BAAT: variants seen among roughly 807,000 people sequenced by gnomAD.
BAAT encodes bile acid-CoA:amino acid N-acyltransferase.
Under a neutral mutation model 18.9 loss-of-function variants are expected in BAAT, and 13 were observed. That is an observed-to-expected ratio of 0.69 (90% confidence interval 0.45 to 1.10). The LOEUF is 1.10. BAAT is among the 50% of genes least tolerant of loss of function. The pLI is 0.00. For missense variants in BAAT, 489 were observed against 504.0 expected (o/e 0.97, Z 0.28); for synonymous variants, 170 against 190.7 (o/e 0.89, Z 0.89).
intron 1 of BAAT, chr9:101,375,890 G>A (rs887701126): frequency 2.0e-5 from 3 of 152,436 alleles, no homozygotes; most frequent in Non-Finnish European, 2.9e-5. Flanking sequence ...CGCAAATTGT[G>A]AGCCTAAATT....
chr9:101,363,441 G>T (rs1431355297), intron 3 of BAAT, among the ~76,000 whole-genome samples: 2 of 148,490 alleles, frequency 1.3e-5, no homozygotes, highest in African/African-American at 4.9e-5. Context: ...GAGGATTCTA[G>T]ATTTGCTTTG....
chr9:101,371,396 C>G lies in BAAT; in HGVS notation c.9G>C (p.Gln3His). ...GTGCACTCACAGGGGTAGCTGTCAA[C>G]TGGATCATTTTTTTAGTGTGGCACC... MI[Q>H]LTATPVSALV... The change falls in exon 2 of 4, where the codon CAG becomes CAC. Residue 3 changes from glutamine to histidine, a missense_variant. Physicochemically the swap from Gln to His is conservative, Grantham distance 24. Transcript: ENST00000259407. 1.9e-6 allele frequency: 3 copies of G among 1,609,714 alleles called. No homozygotes were observed. The highest frequency in any genetic ancestry group is 3.4e-4 in the Middle Eastern group (2 of 5,804).
At position 101,371,086 on chromosome 9, in the gene BAAT, G is replaced by GT. The variant is rs1410930818; in HGVS notation, c.318dup (p.Leu107ThrfsTer3). 1 of 1,613,914 alleles carries GT rather than the reference G, an allele frequency of 6.2e-7. No homozygotes were observed. Among genetic ancestry groups the GT allele is most frequent in the East Asian group, 2.2e-5 (1 of 44,876 alleles). ...TTCACTATTAACTCTAAGTCATAAA[G>GT]TTTTACTTGGACCTGGAAAGGCCTA... On this transcript the variant is annotated frameshift_variant, in exon 2 of 4. Coordinates refer to ENST00000259407, the MANE Select transcript of BAAT (RefSeq NM_001701.4). LOFTEE classifies it high-confidence loss of function.
Position 101,371,201 on chromosome 9 carries a change from C to T in BAAT, c.204G>A (p.Gly68=). 6.2e-7 allele frequency: 1 copy of T among 1,614,046 alleles called. No homozygotes were observed. The part of the protein sequence containing the change: ...VDLNHASSLG[G]DYMGVHPMGL... ...CCATGGGGTGGACTCCCATATAATCCCCTCCAAGTGAAGAAGCATGATTCA... is the reference window on the plus strand; with the variant it reads ...CCATGGGGTGGACTCCCATATAATCTCCTCCAAGTGAAGAAGCATGATTCA... The change falls in exon 2 of 4, where the codon GGG becomes GGA. Residue 68 remains glycine (G), a synonymous_variant. Transcript: ENST00000259407.
intron 1 of BAAT, among the ~76,000 whole-genome samples, chr9:101,377,925 A>G (rs1830073756): frequency 6.6e-6 from 1 of 152,178 alleles, no homozygotes; most frequent in African/African-American, 2.4e-5. Flanking sequence ...TACAAAATCA[A>G]TGTGCAAAAA....
At chr9:101,364,245 T>C (rs529281379) in intron 3 of BAAT, among the ~76,000 whole-genome samples, 2 of 152,280 alleles carry the variant, frequency 1.3e-5, no homozygotes, top group South Asian at 2.1e-4. Flanking sequence ...CTAAGGACTT[T>C]TTTTGCCCCC....
In BAAT at chr9:101,361,669, G is replaced by T. The variant is rs1229873537; in HGVS notation, c.*759C>A. On this transcript the variant is annotated 3_prime_UTR_variant, in exon 4 of 4. Transcript: ENST00000259407. The stretch of plus-strand genomic sequence containing the variant: ...AAACTCCCCAGGCTAGCCTGTACTA[G>T]TAGAGTTGTGTTTCTATTTTTATTT... 2.0e-5 allele frequency: 3 copies of T among 152,734 alleles called. No homozygotes were observed. Among genetic ancestry groups the T allele is most frequent in the South Asian group, 4.1e-4 (2 of 4,828 alleles). 9.5% of individuals were successfully genotyped at this position (152,734 alleles called of 1,614,324 possible).
rs1181338804 is a variant in BAAT at position 101,361,771 on chromosome 9, GT to G, written c.*656del. 6.6e-6 allele frequency: 1 copy of G among 152,446 alleles called. No individual in the cohort carries two copies. Among genetic ancestry groups the G allele is most frequent in the Non-Finnish European group, 1.5e-5 (1 of 68,024 alleles). 9.4% of individuals were successfully genotyped at this position (152,446 alleles called of 1,614,324 possible). A position where few individuals can be genotyped will look rare whatever the true frequency, so the allele number is the denominator to read the frequency against. On this transcript the variant is annotated 3_prime_UTR_variant, in exon 4 of 4. Transcript: ENST00000259407. The stretch of plus-strand genomic sequence containing the variant: ...TCAACCTAATTGGTTCTATTTTCTT[GT>G]ATTTTCCATTTTAATTTGCTTCATA...
chr9:101,378,564 A>G (rs1830084024), intron 1 of BAAT, among the ~76,000 whole-genome samples: 1 of 152,234 alleles, frequency 6.6e-6, no homozygotes, highest in Non-Finnish European at 1.5e-5. Flanking sequence ...CTTACACCTT[A>G]TACAAAAATT....
intron 1 of BAAT, among the ~76,000 whole-genome samples, chr9:101,380,366 T>G (rs1192816570): frequency 3.3e-5 from 5 of 152,192 alleles, no homozygotes; most frequent in Admixed American, 2.0e-4. Context: ...GTCTCACAGC[T>G]GCCTGAGACA....
At position 101,370,791 on chromosome 9, in the gene BAAT, T is replaced by A. The variant is rs145223860; in HGVS notation, c.466+148A>T. 1,470 of 898,000 alleles carry A rather than the reference T, an allele frequency of 1.6e-3. 3 individuals carry two copies. Among genetic ancestry groups the A allele is most frequent in the Non-Finnish European group, 2.4e-3 (1,335 of 565,934 alleles). The allele number at this position is 898,000 out of a possible 1,614,324, so 55.6% of individuals were successfully genotyped here. A position where few individuals can be genotyped will look rare whatever the true frequency, so the allele number is the denominator to read the frequency against. On this transcript the variant is annotated intron_variant, in intron 2 of 3. Coordinates refer to ENST00000259407, the MANE Select transcript of BAAT (RefSeq NM_001701.4). ...GGTATTATCCATATTCAAGTTAAATTTCTGGAGGGATAATGCATTTAAGGT... is the reference window on the plus strand; with the variant it reads ...GGTATTATCCATATTCAAGTTAAATATCTGGAGGGATAATGCATTTAAGGT...
intron 1 of BAAT, among the ~76,000 whole-genome samples, chr9:101,380,912 C>T (rs2119040153): frequency 6.6e-6 from 1 of 152,054 alleles, no homozygotes; most frequent in African/African-American, 2.4e-5. Flanking sequence ...ACCACCATGC[C>T]TGGCCAATTT....
In BAAT at chr9:101,371,347, G is replaced by A. The variant is rs758476278; in HGVS notation, c.58C>T (p.Arg20Ter). The A allele has an allele frequency of 1.9e-6, 3 of 1,613,562 alleles. No individual in the cohort carries two copies. The highest frequency in any genetic ancestry group is 1.7e-5 in the Admixed American group (1 of 59,964). ...SALVDEPVHI[R>*]ATGLIPFQMV... ...TGAAAGGGAATCAGGCCTGTAGCTCGGATATGCACTGGCTCATCAACAAGT... is the reference window on the plus strand; with the variant it reads ...TGAAAGGGAATCAGGCCTGTAGCTCAGATATGCACTGGCTCATCAACAAGT... The change falls in exon 2 of 4, where the codon CGA becomes TGA. Residue 20 changes from arginine (R) to a stop codon, truncating the protein, a stop_gained. Transcript: ENST00000259407. LOFTEE classifies it high-confidence loss of function.
chr9:101,371,301 G>A lies in BAAT; in HGVS notation c.104C>T (p.Ser35Leu). 1 of 1,613,682 alleles carries A rather than the reference G, an allele frequency of 6.2e-7. No individual in the cohort carries two copies. The highest frequency in any genetic ancestry group is 1.3e-5 in the African/African-American group (1 of 75,002). Residue 35 changes from serine (S) to leucine (L), a missense_variant, in exon 2 of 4, where the codon TCA becomes TTA. By Grantham distance (145) the Ser-to-Leu change is moderately radical. Coordinates refer to ENST00000259407, the MANE Select transcript of BAAT (RefSeq NM_001701.4). ...IPFQMVSFQA[S>L]LEDENGDMFY... ...CATGTCTCCGTTTTCATCTTCCAGT[G>A]ATGCCTGAAAACTCACCATCTGAAA...
At chr9:101,373,552 AG>A (rs1829992723) in intron 1 of BAAT, among the ~76,000 whole-genome samples, 1 of 152,256 alleles carries the variant, frequency 6.6e-6, no homozygotes, top group Non-Finnish European at 1.5e-5. Context: ...ATAAAATGCA[AG>A]GCAGGCTGAA....
intron 3 of BAAT, among the ~76,000 whole-genome samples, chr9:101,364,860 T>G (rs1333681286): frequency 6.6e-6 from 1 of 152,190 alleles, no homozygotes; most frequent in African/African-American, 2.4e-5. Context: ...TCTAACATGC[T>G]AGGAAGCCTG....
At chr9:101,381,320 G>A (rs1489691811) in intron 1 of BAAT, among the ~76,000 whole-genome samples, 1 of 151,868 alleles carries the variant, frequency 6.6e-6, no homozygotes, top group Non-Finnish European at 1.5e-5. Context: ...CCAGGAGGTT[G>A]AGACCAGCCT....
chr9:101,366,128 C>G (rs1207012864), intron 3 of BAAT, among the ~76,000 whole-genome samples: 1 of 152,130 alleles, frequency 6.6e-6, no homozygotes, highest in Non-Finnish European at 1.5e-5. Context: ...CTTTCTCCCC[C>G]ACCCCTCCCA....
At chr9:101,363,598 A>G (rs1159568212) in intron 3 of BAAT, among the ~76,000 whole-genome samples, 2 of 152,098 alleles carry the variant, frequency 1.3e-5, no homozygotes, top group Non-Finnish European at 2.9e-5. Flanking sequence ...GAAAAGGAAC[A>G]ATCTCTTGTC....
Sources: gnomAD v4.1 joint callset for allele counts (sites outside exome capture counted in the v4.1 genomes callset) on GRCh38, gnomAD v4.1.1 for gene constraint, MANE v1.5 for transcripts, NCBI Gene and HGNC (gene_info 2026-07-23, HGNC 2026-07-21) for gene names.